Variants in SASH1 observed in about 807,000 individuals in gnomAD.
The protein encoded by SASH1 is SAM and SH3 domain-containing protein 1.
A neutral mutation model predicts 125.2 loss-of-function variants in SASH1; 44 were observed. That is an observed-to-expected ratio of 0.35 (90% confidence interval 0.28 to 0.45). The LOEUF is 0.45. SASH1 is among the 20% of genes least tolerant of loss of function. SASH1 has a pLI of 1.00. For synonymous variants in SASH1, 639 were observed against 649.1 expected (o/e 0.98, Z 0.24); for missense variants, 1,426 against 1,614.5 (o/e 0.88, Z 2.00).
chr6:148,507,091 T>TGTAG (rs2115294462), intron 8 of SASH1, among the ~76,000 whole-genome samples: 1 of 152,040 alleles, frequency 6.6e-6, no homozygotes, highest in Non-Finnish European at 1.5e-5. Context: ...AATTGGGCAG[T>TGTAG]GTAGGGAAGG....
intron 8 of SASH1, among the ~76,000 whole-genome samples, chr6:148,488,177 C>G (rs772548411): frequency 6.6e-6 from 1 of 152,188 alleles, no homozygotes; most frequent in Non-Finnish European, 1.5e-5. Flanking sequence ...TGGCAGCCAC[C>G]GTTCTACTTT....
At chr6:148,253,188 A>G in the SASH1 span, among the ~76,000 whole-genome samples, 53 of 152,320 alleles carry the variant, frequency 3.5e-4, no homozygotes, top group African/African-American at 1.2e-3. Flanking sequence ...AAAACTTACT[A>G]CAACGCTACA....
At chr6:148,231,523 A>G in the SASH1 span, among the ~76,000 whole-genome samples, 2 of 152,208 alleles carry the variant, frequency 1.3e-5, no homozygotes, top group Admixed American at 1.3e-4. Flanking sequence ...CATAAAGTGG[A>G]GTGGATCCAG....
chr6:148,227,291 T>C, the SASH1 span, among the ~76,000 whole-genome samples: 1 of 152,176 alleles, frequency 6.6e-6, no homozygotes, highest in Non-Finnish European at 1.5e-5. Context: ...GTCTTGTCCA[T>C]AGCTGCATCT....
intron 4 of SASH1, among the ~76,000 whole-genome samples, chr6:148,465,933 G>A (rs1382687549): frequency 6.6e-6 from 1 of 151,608 alleles, no homozygotes; most frequent in African/African-American, 2.4e-5. Context: ...ATGCTTTTTT[G>A]TTCCTGTCTC....
At chr6:148,384,179 T>C (rs1466843385) in intron 1 of SASH1, among the ~76,000 whole-genome samples, 2 of 152,164 alleles carry the variant, frequency 1.3e-5, no homozygotes, top group African/African-American at 4.8e-5. Flanking sequence ...AAAATTCTTA[T>C]AAAAAGATCG....
chr6:148,298,577 G>T (rs1779825354), intron 1 of SASH1, among the ~76,000 whole-genome samples: 2 of 148,890 alleles, frequency 1.3e-5, no homozygotes, highest in African/African-American at 4.9e-5. Context: ...GGAGGTAGAG[G>T]CTACAGTGAA....
chr6:148,465,635 A>G (rs1777799117), intron 4 of SASH1, among the ~76,000 whole-genome samples: 2 of 151,836 alleles, frequency 1.3e-5, no homozygotes, highest in African/African-American at 4.8e-5. Flanking sequence ...GTGGCCCCTT[A>G]CAGAAAACAT....
intron 4 of SASH1, among the ~76,000 whole-genome samples, chr6:148,454,042 C>T (rs575470188): frequency 1.3e-5 from 2 of 152,148 alleles, no homozygotes; most frequent in African/African-American, 2.4e-5. Context: ...ACAATGCCTG[C>T]AAAGTGAAGA....
intron 1 of SASH1, among the ~76,000 whole-genome samples, chr6:148,334,352 C>T (rs1390139414): frequency 5.7e-5 from 8 of 140,694 alleles, no homozygotes; most frequent in South Asian, 2.3e-4. Flanking sequence ...GGCGTGAACC[C>T]GGGAGGCGGA....
Position 148,519,749 on chromosome 6 carries a change from C to T in SASH1, c.1065C>T (p.Ser355=), listed in dbSNP as rs1020539604. The T allele has an allele frequency of 1.2e-6, 2 of 1,614,126 alleles. No individual in the cohort carries two copies. The highest frequency in any genetic ancestry group is 2.2e-5 in the South Asian group (2 of 91,082). Residue 355 remains serine, a synonymous_variant, in exon 10 of 20, where the codon AGC becomes AGT. Transcript: ENST00000367467. The surrounding 1 kb of genome is among the most constrained non-coding windows in gnomAD (Gnocchi z 4.8). The part of the protein sequence containing the change: ...GAGRKLVKTF[S]KGESRGLIKP... ...GCCGGAAGTTGGTCAAAACCTTCAG[C>T]AAAGGAGAGAGCCGGGGCCTGATTA...
the SASH1 span, among the ~76,000 whole-genome samples, chr6:148,215,675 A>G: frequency 1.6e-4 from 25 of 152,220 alleles, no homozygotes; most frequent in African/African-American, 5.8e-4. Context: ...CATTGTAATG[A>G]CTATCTTATT....
At chr6:148,486,893 G>C (rs1778869449) in intron 7 of SASH1, among the ~76,000 whole-genome samples, 1 of 124,374 alleles carries the variant, frequency 8.0e-6, no homozygotes, top group Non-Finnish European at 1.7e-5. Flanking sequence ...CTGCATTGTA[G>C]CCTGGGTGAC....
intron 8 of SASH1, among the ~76,000 whole-genome samples, chr6:148,510,188 A>G (rs1780037914): frequency 1.3e-5 from 2 of 152,252 alleles, no homozygotes; most frequent in South Asian, 2.1e-4. Context: ...CAAAGTAATT[A>G]AAAGTTGAGC....
chr6:148,511,482 A>G (rs1383965786), intron 8 of SASH1, among the ~76,000 whole-genome samples: 1 of 152,166 alleles, frequency 6.6e-6, no homozygotes, highest in East Asian at 1.9e-4. Flanking sequence ...CTTGGTTGCC[A>G]TGGTTTGTGA....
chr6:148,199,811 AGAG>A, the SASH1 span, among the ~76,000 whole-genome samples: 1 of 151,760 alleles, frequency 6.6e-6, no homozygotes, highest in Non-Finnish European at 1.5e-5. Flanking sequence ...AGAAAGAAAA[AGAG>A]AGAGAGAAGG....
At chr6:148,254,617 T>C in the SASH1 span, among the ~76,000 whole-genome samples, 2 of 152,348 alleles carry the variant, frequency 1.3e-5, no homozygotes, top group Middle Eastern at 3.4e-3. Context: ...TCACTAGTTA[T>C]TGGGGAAGCA....
the SASH1 span, among the ~76,000 whole-genome samples, chr6:148,216,972 C>T: frequency 6.6e-6 from 1 of 152,132 alleles, no homozygotes; most frequent in Non-Finnish European, 1.5e-5. Flanking sequence ...AATGATCATC[C>T]TGCCTCGGCT....
rs1312395778 is a variant in SASH1 at position 148,326,360 on chromosome 6, A to T, written n.74+53983A>T. On this transcript the variant is annotated intron_variant and non_coding_transcript_variant, in intron 1 of 3. Coordinates refer to the SASH1 transcript ENST00000367469. Reference sequence around the variant, plus strand: ...TATATATATATATATATATATATGCATATATATATATATACATTCTTTTCT... The same window carrying T: ...TATATATATATATATATATATATGCTTATATATATATATACATTCTTTTCT... Among the ~76,000 whole-genome samples the T allele has an allele frequency of 6.6e-3, 212 of 32,250 alleles. 7 individuals are homozygous for T. Among genetic ancestry groups the T allele is most frequent in the African/African-American group, 0.021 (200 of 9,386 alleles). 21.2% of individuals were successfully genotyped at this position (32,250 alleles called of 152,430 possible).
Sources: allele counts gnomAD v4.1 joint callset (sites outside exome capture counted in the v4.1 genomes callset), GRCh38; gene constraint gnomAD v4.1.1; non-coding constraint Gnocchi (gnomAD v3.1); transcripts MANE v1.5; gene names NCBI Gene and HGNC (gene_info 2026-07-23, HGNC 2026-07-21).